The following SLC16A7 variants were observed in gnomAD, a reference collection of about 807,000 sequenced individuals.
The protein encoded by SLC16A7 is monocarboxylate transporter 2.
In SLC16A7, 33 loss-of-function variants were observed where a neutral mutation model predicts 34.9. The ratio of observed to expected loss-of-function variants is 0.94; its 90% CI spans 0.72 to 1.26. The LOEUF is 1.26. Ranked by LOEUF, SLC16A7 falls within the 50% of genes most tolerant of loss-of-function variation. The probability of loss-of-function intolerance (pLI) is 0.00; values close to 1 mark genes in which losing one functional copy is unlikely to be tolerated. For synonymous variants in SLC16A7, 201 were observed against 206.6 expected, an observed-to-expected ratio of 0.97 and a Z score of 0.23; for missense variants, 573 against 578.1, an observed-to-expected ratio of 0.99 and a Z score of 0.09.
rs561212178 is a variant in SLC16A7, at chr12:59,713,543, A to G, written c.217+8525A>G. On this transcript the variant is annotated intron_variant, in intron 3 of 5. Transcript: ENST00000547379. ...AATACACATTGAATATTTTTTCATT[A>G]TAATAGTAGTGACTTTGGCAGAGTA... Among the ~76,000 whole-genome samples, 32 of 152,302 alleles carry G rather than the reference A, an allele frequency of 2.1e-4. No homozygotes were observed. The South Asian group carries it at 5.8e-3, about 28-fold the overall frequency.
At position 59,730,494 on chromosome 12, in the gene SLC16A7, AG is replaced by A. The variant is rs561407386; in HGVS notation, c.217+25477del. Among the ~76,000 whole-genome samples, 35 of 152,198 alleles carry A rather than the reference AG, an allele frequency of 2.3e-4. No individual in the cohort carries two copies. The East Asian group carries it at 6.8e-3, about 29-fold the overall frequency. On this transcript the variant is annotated intron_variant, in intron 3 of 5. Transcript: ENST00000547379. ...GTATTAAGTTATTGTTACATAGTAT[AG>A]TTGCAGCTGAGTACAAATATTGGTA...
intron 1 of SLC16A7, among the ~76,000 whole-genome samples, chr12:59,622,564 A>G (rs150651465): frequency 3.3e-5 from 5 of 152,016 alleles, no homozygotes; most frequent in African/African-American, 1.2e-4. Context: ...TGTGATTATG[A>G]ATTAGCTAAA....
chr12:59,617,156 C>G (rs1300414774), intron 1 of SLC16A7, among the ~76,000 whole-genome samples: 1 of 151,976 alleles, frequency 6.6e-6, no homozygotes, highest in East Asian at 1.9e-4. Flanking sequence ...TATTCCTGCT[C>G]TATTCTGTGA....
At chr12:59,616,062 G>C (rs1443151116) in intron 1 of SLC16A7, among the ~76,000 whole-genome samples, 1 of 152,138 alleles carries the variant, frequency 6.6e-6, no homozygotes, top group Non-Finnish European at 1.5e-5. Context: ...GCCTGACAAA[G>C]AAAAGCATAA....
At chr12:59,618,008 T>A (rs1879531784) in intron 1 of SLC16A7, among the ~76,000 whole-genome samples, 1 of 152,014 alleles carries the variant, frequency 6.6e-6, no homozygotes, top group Admixed American at 6.6e-5. Context: ...ATTTTACTAT[T>A]GTTAACTGTG....
chr12:59,700,963 T>G (rs1199598979), intron 2 of SLC16A7, among the ~76,000 whole-genome samples: 1 of 151,864 alleles, frequency 6.6e-6, no homozygotes, highest in South Asian at 2.1e-4. Flanking sequence ...AGGTACTCCA[T>G]GCAATTTTTT....
intron 2 of SLC16A7, among the ~76,000 whole-genome samples, chr12:59,665,479 A>G (rs1053222316): frequency 1.3e-5 from 2 of 151,918 alleles, no homozygotes; most frequent in Non-Finnish European, 2.9e-5. Flanking sequence ...TTATTATAGG[A>G]CTTAGGTAAT....
chr12:59,701,648 C>A (rs951532043), intron 2 of SLC16A7, among the ~76,000 whole-genome samples: 2 of 151,578 alleles, frequency 1.3e-5, no homozygotes, highest in African/African-American at 2.4e-5. Context: ...AGTGTTGACA[C>A]CTATTTATTG....
chr12:59,719,920 G>A (rs1875372775), intron 3 of SLC16A7: 1 of 543,678 alleles, frequency 1.8e-6, no homozygotes, highest in Non-Finnish European at 3.2e-6. Context: ...GCATTTATCA[G>A]TGGTGGAACC....
At chr12:59,700,519 T>G (rs564586369) in intron 2 of SLC16A7, among the ~76,000 whole-genome samples, 98 of 149,532 alleles carry the variant, frequency 6.6e-4, no homozygotes, top group African/African-American at 2.4e-3. Context: ...TATTAATTAT[T>G]AAGAATTTAA....
chr12:59,746,508 A>G (rs1878905064), intron 3 of SLC16A7, among the ~76,000 whole-genome samples: 1 of 152,200 alleles, frequency 6.6e-6, no homozygotes, highest in African/African-American at 2.4e-5. Context: ...GTCAAAGTCT[A>G]AAGAAAACTT....
chr12:59,636,408 A>G (rs1228209295), intron 1 of SLC16A7, among the ~76,000 whole-genome samples: 2 of 152,170 alleles, frequency 1.3e-5, no homozygotes, highest in African/African-American at 4.8e-5. Context: ...CAGAATGTTC[A>G]GGCAACATAC....
At chr12:59,719,309 A>G (rs1875288574) in intron 3 of SLC16A7, among the ~76,000 whole-genome samples, 1 of 152,210 alleles carries the variant, frequency 6.6e-6, no homozygotes, top group Admixed American at 6.6e-5. Flanking sequence ...GTCTAAGAAG[A>G]GATATAATAA....
At chr12:59,728,369 G>A (rs1324561650) in intron 3 of SLC16A7, among the ~76,000 whole-genome samples, 1 of 152,206 alleles carries the variant, frequency 6.6e-6, no homozygotes, top group Non-Finnish European at 1.5e-5. Context: ...TATTGGCTGT[G>A]AGCAGCTCTT....
intron 3 of SLC16A7, among the ~76,000 whole-genome samples, chr12:59,718,355 A>C (rs1875167235): frequency 6.6e-6 from 1 of 152,124 alleles, no homozygotes; most frequent in African/African-American, 2.4e-5. Context: ...GTTTTTACTA[A>C]ATATCTAAAC....
chr12:59,756,204 C>T (rs1037793898), intron 3 of SLC16A7, among the ~76,000 whole-genome samples: 1 of 150,608 alleles, frequency 6.6e-6, no homozygotes, highest in Non-Finnish European at 1.5e-5. Flanking sequence ...TGGGCAAGGA[C>T]TTCATGTCTA....
At position 59,781,782 on chromosome 12, in the gene SLC16A7, A is replaced by T. The variant is rs1384435504; in HGVS notation, c.*2103A>T. ...TCCAATCATAAATTTTCAAAAAAAA[A>T]TTCTACTTTCCAAAAAGTGTCTTGA... On this transcript the variant is annotated 3_prime_UTR_variant, in exon 6 of 6. Coordinates refer to ENST00000547379, the MANE Select transcript of SLC16A7 (RefSeq NM_001270623.2). The T allele has an allele frequency of 1.3e-5, 2 of 152,422 alleles. No individual in the cohort carries two copies. The highest frequency in any genetic ancestry group is 3.9e-4 in the East Asian group (2 of 5,192). The allele number at this position is 152,422 out of a possible 1,614,324, so 9.4% of individuals were successfully genotyped here.
At chr12:59,603,261 C>T (rs1041339689) in intron 1 of SLC16A7, among the ~76,000 whole-genome samples, 1 of 152,162 alleles carries the variant, frequency 6.6e-6, no homozygotes, top group Non-Finnish European at 1.5e-5. Context: ...ATCAGATACT[C>T]TCATGGAAGC....
intron 1 of SLC16A7, among the ~76,000 whole-genome samples, chr12:59,611,864 G>A (rs531220050): frequency 2.0e-5 from 3 of 152,182 alleles, no homozygotes; most frequent in Non-Finnish European, 4.4e-5. Context: ...TCACATAGAG[G>A]TCATGCTGAT....
Sources: gnomAD v4.1 joint callset for allele counts (sites outside exome capture counted in the v4.1 genomes callset) on GRCh38, gnomAD v4.1.1 for gene constraint, MANE v1.5 for transcripts, NCBI Gene and HGNC (gene_info 2026-07-23, HGNC 2026-07-21) for gene names.